The following ZBTB20 variants were observed in gnomAD, a reference collection of about 807,000 sequenced individuals.
ZBTB20 encodes the protein zinc finger and BTB domain containing 20.
A neutral mutation model predicts 56.9 loss-of-function variants in ZBTB20; 9 were observed. The observed-to-expected ratio is 0.16, with a 90% CI of 0.10 to 0.28. The LOEUF (loss-of-function observed/expected upper bound fraction) is 0.28. Ranked by LOEUF, ZBTB20 falls within the 10% of genes least tolerant of loss-of-function variation. ZBTB20 has a pLI of 1.00. For missense variants in ZBTB20, 655 were observed against 1,003.0 expected, an observed-to-expected ratio of 0.65 and a Z score of 4.69; for synonymous variants, 417 against 420.7, an observed-to-expected ratio of 0.99 and a Z score of 0.11.
At chr3:114,452,640 A>G (rs1165418913) in intron 7 of ZBTB20, among the ~76,000 whole-genome samples, 1 of 152,170 alleles carries the variant, frequency 6.6e-6, no homozygotes, top group African/African-American at 2.4e-5. Context: ...TACACCCTTA[A>G]GAAGCAGTTA....
chr3:114,925,903 T>A (rs1021766405), intron 3 of ZBTB20, among the ~76,000 whole-genome samples: 1 of 152,186 alleles, frequency 6.6e-6, no homozygotes, highest in Non-Finnish European at 1.5e-5. Context: ...TTGGACAATG[T>A]GTTACATTGA....
At chr3:114,910,284 T>C (rs1285242853) in intron 3 of ZBTB20, among the ~76,000 whole-genome samples, 1 of 149,002 alleles carries the variant, frequency 6.7e-6, no homozygotes, top group Non-Finnish European at 1.5e-5. Flanking sequence ...TATATAAACA[T>C]ACACACACAC....
chr3:114,755,111 A>C (rs2067908551), intron 5 of ZBTB20, among the ~76,000 whole-genome samples: 1 of 152,194 alleles, frequency 6.6e-6, no homozygotes, highest in South Asian at 2.1e-4. Context: ...TGCTCTAGAT[A>C]ATCCTGATAT....
intron 6 of ZBTB20, among the ~76,000 whole-genome samples, chr3:114,543,966 T>C (rs1383694969): frequency 6.6e-6 from 1 of 152,180 alleles, no homozygotes; most frequent in African/African-American, 2.4e-5. Context: ...CCAGGAAACA[T>C]AAAACCAAAT....
At chr3:114,562,178 T>C (rs2052150700) in intron 6 of ZBTB20, among the ~76,000 whole-genome samples, 1 of 141,062 alleles carries the variant, frequency 7.1e-6, no homozygotes, top group Admixed American at 7.1e-5. Flanking sequence ...GCTGGTTTGA[T>C]TTTTTTTTTT....
intron 11 of ZBTB20, among the ~76,000 whole-genome samples, chr3:114,342,807 G>A (rs969627547): frequency 6.6e-6 from 1 of 152,156 alleles, no homozygotes; most frequent in Non-Finnish European, 1.5e-5. Context: ...CAGATAATCA[G>A]TAAAACAAGT....
intron 7 of ZBTB20, among the ~76,000 whole-genome samples, chr3:114,494,294 ACT>A (rs1286686691): frequency 3.9e-5 from 6 of 152,066 alleles, no homozygotes; most frequent in Non-Finnish European, 7.4e-5. Context: ...AACTTTTGAG[ACT>A]CTGAAAAGGG....
intron 1 of ZBTB20, among the ~76,000 whole-genome samples, chr3:115,116,415 A>G (rs1404545646): frequency 6.6e-6 from 1 of 152,064 alleles, no homozygotes; most frequent in Non-Finnish European, 1.5e-5. Context: ...TGAGGCCACT[A>G]TTCTACAGTA....
intron 6 of ZBTB20, among the ~76,000 whole-genome samples, chr3:114,669,217 G>C (rs1007720249): frequency 6.6e-6 from 1 of 151,924 alleles, no homozygotes; most frequent in Non-Finnish European, 1.5e-5. Flanking sequence ...CCTGCATCCC[G>C]GCAAAGAATT....
intron 2 of ZBTB20, among the ~76,000 whole-genome samples, chr3:114,987,890 A>G (rs2078614879): frequency 6.6e-6 from 1 of 152,170 alleles, no homozygotes; most frequent in African/African-American, 2.4e-5. Context: ...TAGAATTGAA[A>G]TAATTTATCT....
intron 6 of ZBTB20, among the ~76,000 whole-genome samples, chr3:114,507,977 C>T (rs1269032790): frequency 6.6e-6 from 1 of 152,116 alleles, no homozygotes; most frequent in Non-Finnish European, 1.5e-5. Flanking sequence ...AAGGCTTTAA[C>T]ATAGCGATTA....
At chr3:114,849,518 T>A (rs1341036481) in intron 4 of ZBTB20, among the ~76,000 whole-genome samples, 3 of 152,228 alleles carry the variant, frequency 2.0e-5, no homozygotes, top group African/African-American at 7.2e-5. Context: ...TGAAACTGTA[T>A]GCAGTGATTG....
At chr3:114,389,267 G>A (rs1232002260) in intron 7 of ZBTB20, among the ~76,000 whole-genome samples, 162 bp from the exon 8 acceptor site, 3 of 152,174 alleles carry the variant, frequency 2.0e-5, no homozygotes, top group Non-Finnish European at 4.4e-5. Context: ...AAGGGAGAAT[G>A]GAGAGGATGT....
chr3:114,626,155 A>G (rs977208030), intron 6 of ZBTB20, among the ~76,000 whole-genome samples: 1 of 152,194 alleles, frequency 6.6e-6, no homozygotes, highest in African/African-American at 2.4e-5. Flanking sequence ...CCCACCACAT[A>G]TTCCTAAATG....
At chr3:114,668,500 G>T (rs2061182788) in intron 6 of ZBTB20, among the ~76,000 whole-genome samples, 1 of 151,952 alleles carries the variant, frequency 6.6e-6, no homozygotes, top group Non-Finnish European at 1.5e-5. Context: ...TCATTTCCAG[G>T]TTCTGATCCC....
chr3:114,602,084 G>C (rs933442304), intron 6 of ZBTB20, among the ~76,000 whole-genome samples: 1 of 151,976 alleles, frequency 6.6e-6, no homozygotes, highest in Non-Finnish European at 1.5e-5. Flanking sequence ...CTCCAGCTGA[G>C]ATTATCATGC....
chr3:115,065,688 AC>A (rs1279416491), intron 2 of ZBTB20, among the ~76,000 whole-genome samples: 2 of 152,168 alleles, frequency 1.3e-5, no homozygotes, highest in East Asian at 3.8e-4. Flanking sequence ...TAGGGCTCTT[AC>A]TATAAAAAGG....
chr3:115,067,841 A>G (rs112631255), intron 2 of ZBTB20, among the ~76,000 whole-genome samples: 28 of 152,234 alleles, frequency 1.8e-4, no homozygotes, highest in African/African-American at 6.0e-4. Flanking sequence ...CCGCAATTTT[A>G]TTGTTGCAGC....
chr3:115,102,239 C>T (rs1371017040), intron 1 of ZBTB20, among the ~76,000 whole-genome samples: 1 of 152,102 alleles, frequency 6.6e-6, no homozygotes, highest in African/African-American at 2.4e-5. Context: ...AGGAGACAGA[C>T]ACACACTAAA....
Sources: allele counts gnomAD v4.1 joint callset (sites outside exome capture counted in the v4.1 genomes callset), GRCh38; gene constraint gnomAD v4.1.1; transcripts MANE v1.5; gene names NCBI Gene and HGNC (gene_info 2026-07-23, HGNC 2026-07-21).